Variants in SLC6A2 observed in about 807,000 individuals in gnomAD.
SLC6A2 encodes the protein solute carrier family 6 member 2, also known as sodium-dependent noradrenaline transporter.
Under a neutral mutation model 71.7 loss-of-function variants are expected in SLC6A2, and 26 were observed. The observed-to-expected ratio is 0.36, with a 90% CI of 0.27 to 0.50. The LOEUF is 0.50. Among genes scored for constraint, SLC6A2 ranks in the 20% least tolerant of loss-of-function variants. The pLI, the probability that SLC6A2 is intolerant of heterozygous loss-of-function variation, is 0.96. For missense variants in SLC6A2, 581 were observed against 803.9 expected, an observed-to-expected ratio of 0.72 and a Z score of 3.35; for synonymous variants, 363 against 337.9, an observed-to-expected ratio of 1.07 and a Z score of -0.82.
At chr16:55,671,222 A>G (rs1964900514) in intron 3 of SLC6A2, among the ~76,000 whole-genome samples, 1 of 152,210 alleles carries the variant, frequency 6.6e-6, no homozygotes, top group Non-Finnish European at 1.5e-5. Flanking sequence ...CACCAAGTCA[A>G]TGCCACTCTG....
At chr16:55,688,650 G>A (rs1041063963) in intron 5 of SLC6A2, among the ~76,000 whole-genome samples, 1 of 152,192 alleles carries the variant, frequency 6.6e-6, no homozygotes, top group South Asian at 2.1e-4. Flanking sequence ...CTTTGAGAGA[G>A]TCTGATTCAG....
intron 2 of SLC6A2, among the ~76,000 whole-genome samples, chr16:55,668,973 AC>A (rs1964828074): frequency 6.6e-6 from 1 of 152,128 alleles, no homozygotes; most frequent in Admixed American, 6.5e-5. Context: ...GTACGTAATG[AC>A]CCTGACTGGT....
chr16:55,685,411 C>G lies in SLC6A2; in HGVS notation c.783+130C>G, dbSNP rs556413691. 20 of 970,994 alleles carry G rather than the reference C, an allele frequency of 2.1e-5. No homozygotes were observed. In the African/African-American group the frequency reaches 3.2e-4, roughly 15 times the overall value. The allele number at this position is 970,994 out of a possible 1,614,324, so 60.1% of individuals were successfully genotyped here. A position where few individuals can be genotyped will look rare whatever the true frequency, so the allele number is the denominator to read the frequency against. ...TGGAAGTGCAAGGCCTGGGTTCAAG[C>G]CCCTGTTCTGCCACTGACTTGGACA... On this transcript the variant is annotated intron_variant, in intron 5 of 14. Transcript: ENST00000568943.
At chr16:55,669,520 G>T in intron 2 of SLC6A2, 45 bp from the exon 3 acceptor site, 1 of 1,611,508 alleles carries the variant, frequency 6.2e-7, no homozygotes. Context: ...AAGACTGGGA[G>T]GGGCAGGGGT....
rs1966086526 is a variant in SLC6A2, at chr16:55,705,712, A to T, written c.*3366A>T. 1 of 154,270 alleles carries T rather than the reference A, an allele frequency of 6.5e-6. No homozygotes were observed. Among genetic ancestry groups the T allele is most frequent in the South Asian group, 2.1e-4 (1 of 4,858 alleles). 9.6% of individuals were successfully genotyped at this position (154,270 alleles called of 1,614,324 possible). A position where few individuals can be genotyped will look rare whatever the true frequency, so the allele number is the denominator to read the frequency against. On this transcript the variant is annotated 3_prime_UTR_variant, in exon 15 of 15. Coordinates refer to ENST00000568943, the MANE Select transcript of SLC6A2 (RefSeq NM_001172501.3). ...AAATTTACAATGAAGGAAACACATCACTTAACTGTAAGAATTTCCCAAAAT... is the reference window on the plus strand; with the variant it reads ...AAATTTACAATGAAGGAAACACATCTCTTAACTGTAAGAATTTCCCAAAAT...
chr16:55,682,832 G>T (rs560123948), intron 4 of SLC6A2, among the ~76,000 whole-genome samples: 1 of 152,120 alleles, frequency 6.6e-6, no homozygotes, highest in East Asian at 1.9e-4. Flanking sequence ...GAACCCAGTG[G>T]GATCTCGTTT....
At chr16:55,685,808 G>A (rs1965433393) in intron 5 of SLC6A2, among the ~76,000 whole-genome samples, 1 of 152,164 alleles carries the variant, frequency 6.6e-6, no homozygotes, top group Admixed American at 6.5e-5. Context: ...CAGGGTTCCA[G>A]GTGCCTTGGA....
chr16:55,660,860 G>A (rs1487840704), intron 2 of SLC6A2, among the ~76,000 whole-genome samples: 1 of 152,218 alleles, frequency 6.6e-6, no homozygotes, highest in African/African-American at 2.4e-5. Context: ...GACTGTTCAT[G>A]CTGGCCCAGA....
chr16:55,683,742 G>A (rs537974917), intron 4 of SLC6A2, among the ~76,000 whole-genome samples: 26 of 152,226 alleles, frequency 1.7e-4, no homozygotes, highest in African/African-American at 3.9e-4. Flanking sequence ...AATGTTACCC[G>A]TTGAACGCAT....
chr16:55,693,892 C>T lies in SLC6A2; in HGVS notation c.919-118C>T, dbSNP rs1441039737. On this transcript the variant is annotated intron_variant, in intron 6 of 14. Coordinates refer to ENST00000568943, the MANE Select transcript of SLC6A2 (RefSeq NM_001172501.3). ...TTGCCAGGGCTGCCCATCTCTGGTT[C>T]AGACCATGTTTCCTCTGGTCTCAGA... 3 of 790,814 alleles carry T rather than the reference C, an allele frequency of 3.8e-6. No homozygotes were observed. In the African/African-American group the frequency reaches 5.1e-5, roughly 13 times the overall value. The allele number at this position is 790,814 out of a possible 1,614,324, so 49.0% of individuals were successfully genotyped here. A position where few individuals can be genotyped will look rare whatever the true frequency, so the allele number is the denominator to read the frequency against.
At chr16:55,695,103 C>T (rs1367083221) in intron 7 of SLC6A2, among the ~76,000 whole-genome samples, 175 bp from the exon 8 acceptor site, 1 of 152,176 alleles carries the variant, frequency 6.6e-6, no homozygotes, top group Admixed American at 6.5e-5. Flanking sequence ...AGCAGTTAGC[C>T]TACTTCCTGC....
chr16:55,663,427 GC>G (rs1394025299), intron 2 of SLC6A2, among the ~76,000 whole-genome samples: 1 of 152,142 alleles, frequency 6.6e-6, no homozygotes, highest in Non-Finnish European at 1.5e-5. Flanking sequence ...ATGAGTGGAA[GC>G]AGCCAGAGGC....
At chr16:55,682,848 G>A (rs777839955) in intron 4 of SLC6A2, among the ~76,000 whole-genome samples, 28 of 152,104 alleles carry the variant, frequency 1.8e-4, no homozygotes, top group Non-Finnish European at 3.8e-4. Context: ...CGTTTTGGGG[G>A]CCCCTGCAGC....
chr16:55,688,529 A>C (rs1965524560), intron 5 of SLC6A2, among the ~76,000 whole-genome samples: 1 of 152,208 alleles, frequency 6.6e-6, no homozygotes, highest in South Asian at 2.1e-4. Flanking sequence ...GACATTTATC[A>C]TCTCTGTTTT....
Position 55,685,239 on chromosome 16 carries a change from C to G in SLC6A2, c.741C>G (p.Val247=), listed in dbSNP as rs751764729. Residue 247 remains valine, a synonymous_variant, in exon 5 of 15, where the codon GTC becomes GTG. Transcript: ENST00000568943. ...LLLCLMVVVI[V]LYFSLWKGVK... ...TCTGTCTGATGGTCGTCGTCATCGT[C>G]TTGTATTTTAGCCTCTGGAAAGGGG... 1 of 1,614,146 alleles carries G rather than the reference C, an allele frequency of 6.2e-7. No homozygotes were observed. The highest frequency in any genetic ancestry group is 1.3e-5 in the African/African-American group (1 of 75,046).
intron 5 of SLC6A2, among the ~76,000 whole-genome samples, chr16:55,689,086 A>G (rs1247032356): frequency 6.6e-6 from 1 of 152,192 alleles, no homozygotes; most frequent in African/African-American, 2.4e-5. Flanking sequence ...CTAGGTTCTC[A>G]TGGCCAGAGC....
intron 9 of SLC6A2, 49 bp from the exon 10 acceptor site, chr16:55,697,848 T>C (rs765579371): frequency 6.2e-7 from 1 of 1,610,310 alleles, no homozygotes; most frequent in South Asian, 1.1e-5. Flanking sequence ...GAGACTGAGG[T>C]CCAGGGAGAC....
At chr16:55,661,483 T>G (rs1162028429) in intron 2 of SLC6A2, among the ~76,000 whole-genome samples, 1 of 152,202 alleles carries the variant, frequency 6.6e-6, no homozygotes, top group Non-Finnish European at 1.5e-5. Flanking sequence ...TGATGTCACA[T>G]AATAGGGGCT....
At chr16:55,664,984 G>T (rs1964709057) in intron 2 of SLC6A2, among the ~76,000 whole-genome samples, 1 of 152,154 alleles carries the variant, frequency 6.6e-6, no homozygotes, top group Admixed American at 6.5e-5. Context: ...TGAACATCTT[G>T]CTGGGTTCCC....
Sources: allele counts gnomAD v4.1 joint callset (sites outside exome capture counted in the v4.1 genomes callset), GRCh38; gene constraint gnomAD v4.1.1; transcripts MANE v1.5; gene names NCBI Gene and HGNC (gene_info 2026-07-23, HGNC 2026-07-21).